HSD11B1: variants seen among roughly 807,000 people sequenced by gnomAD.
The protein encoded by HSD11B1 is hydroxysteroid 11-beta dehydrogenase 1.
Under a neutral mutation model 22.1 loss-of-function variants are expected in HSD11B1, and 15 were observed. That is an observed-to-expected ratio of 0.68 (90% CI 0.45 to 1.04). HSD11B1 has a LOEUF of 1.04. HSD11B1 is among the 50% of genes least tolerant of loss of function. The pLI, the probability that HSD11B1 is intolerant of heterozygous loss-of-function variation, is 0.00. For synonymous variants in HSD11B1, 122 were observed against 125.2 expected, an observed-to-expected ratio of 0.97 and a Z score of 0.17; for missense variants, 281 against 357.6, an observed-to-expected ratio of 0.79 and a Z score of 1.73.
intron 4 of HSD11B1, among the ~76,000 whole-genome samples, chr1:209,711,588 T>TG (rs1033006139): frequency 6.6e-6 from 1 of 151,902 alleles, no homozygotes; most frequent in African/African-American, 2.4e-5. Flanking sequence ...AGCTGTGTGT[T>TG]GGGGGGATGG....
chr1:209,730,516 C>G (rs552828189), intron 4 of HSD11B1, among the ~76,000 whole-genome samples: 1 of 152,282 alleles, frequency 6.6e-6, no homozygotes, highest in African/African-American at 2.4e-5. Context: ...GTTGCATGGC[C>G]TATTACGGCA....
intron 1 of HSD11B1, among the ~76,000 whole-genome samples, chr1:209,695,943 A>G (rs1208636560): frequency 2.0e-5 from 3 of 152,292 alleles, no homozygotes; most frequent in African/African-American, 7.2e-5. Context: ...ACTGTCCATA[A>G]TAGCAAAAAA....
At chr1:209,729,711 C>T (rs563043151) in intron 4 of HSD11B1, among the ~76,000 whole-genome samples, 1 of 152,246 alleles carries the variant, frequency 6.6e-6, no homozygotes, top group South Asian at 2.1e-4. Context: ...CCCTGATGAA[C>T]ACAGATGCAA....
rs537487925 is a variant in HSD11B1, at chr1:209,734,456, T to G, written c.814T>G (p.Cys272Gly). 1.2e-6 allele frequency: 2 copies of G among 1,614,100 alleles called. No homozygotes were observed. Among genetic ancestry groups the G allele is most frequent in the African/African-American group, 2.7e-5 (2 of 75,034 alleles). Reference protein sequence around the residue: ...LWTTLLIRNPCRKILEFLYST... With the variant: ...LWTTLLIRNPGRKILEFLYST... ...GACCACTCTTCTGATCAGAAATCCATGCAGGAAGATCCTGGAATTTCTCTA... is the reference window on the plus strand; with the variant it reads ...GACCACTCTTCTGATCAGAAATCCAGGCAGGAAGATCCTGGAATTTCTCTA... The change falls in exon 6 of 6, where the codon TGC becomes GGC. Residue 272 changes from cysteine to glycine, a missense_variant. Physicochemically the swap from Cys to Gly is radical, Grantham distance 159. Transcript: ENST00000367027.
At chr1:209,705,075 CACA>C in intron 1 of HSD11B1, 45 bp downstream of exon 1, 1 of 1,450,502 alleles carries the variant, frequency 6.9e-7, no homozygotes, top group Non-Finnish European at 9.7e-7. Context: ...GTTTAAAAAA[CACA>C]GGGGTGCTTG....
intron 4 of HSD11B1, among the ~76,000 whole-genome samples, chr1:209,717,212 A>G (rs1341285329): frequency 6.6e-6 from 1 of 152,224 alleles, no homozygotes; most frequent in East Asian, 1.9e-4. Context: ...TAGGAAAAAA[A>G]ACTATCTGAT....
intron 4 of HSD11B1, among the ~76,000 whole-genome samples, chr1:209,727,065 G>A (rs963478923): frequency 6.6e-6 from 1 of 152,172 alleles, no homozygotes; most frequent in Non-Finnish European, 1.5e-5. Flanking sequence ...AAGATCTCAA[G>A]ATGAAATCAT....
At chr1:209,728,659 G>A (rs115887524) in intron 4 of HSD11B1, among the ~76,000 whole-genome samples, 77 of 152,296 alleles carry the variant, frequency 5.1e-4, no homozygotes, top group Non-Finnish European at 9.7e-4. Flanking sequence ...CAGTGTCCCC[G>A]TGATTCTCTT....
chr1:209,698,884 A>G (rs2076809425), intron 1 of HSD11B1, among the ~76,000 whole-genome samples: 1 of 152,160 alleles, frequency 6.6e-6, no homozygotes, highest in South Asian at 2.1e-4. Context: ...AGGCAAATAG[A>G]TTCCAGGTAT....
chr1:209,718,367 C>T (rs976590632), intron 4 of HSD11B1, among the ~76,000 whole-genome samples: 13 of 152,062 alleles, frequency 8.5e-5, no homozygotes, highest in Non-Finnish European at 1.6e-4. Context: ...ACAAATATTA[C>T]GTATCAACTT....
In HSD11B1 at chr1:209,698,167, T is replaced by TTAGATAGA. The variant is rs3059689; in HGVS notation, c.-48-6684_-48-6677dup. The stretch of plus-strand genomic sequence containing the variant: ...AGGATAGGTAGATAAGATAGATAGA[T>TTAGATAGA]TAGATAGATAGATAGATAGATAGAT... On this transcript the variant is annotated intron_variant, in intron 1 of 6. Coordinates refer to the HSD11B1 transcript ENST00000261465. Among the ~76,000 whole-genome samples, 1,186 of 146,688 alleles carry TTAGATAGA rather than the reference T, an allele frequency of 8.1e-3. 6 individuals carry two copies. The highest frequency in any genetic ancestry group is 0.016 in the East Asian group (78 of 4,984).
At chr1:209,692,607 C>CGGGGGGGGGGG (rs796545462) in intron 1 of HSD11B1, among the ~76,000 whole-genome samples, 2 of 48,244 alleles carry the variant, frequency 4.1e-5, no homozygotes, top group East Asian at 4.6e-4. Flanking sequence ...ATTAAAATGG[C>CGGGGGGGGGGG]GGGGGGGGGG....
At chr1:209,725,132 G>A (rs998090792) in intron 4 of HSD11B1, among the ~76,000 whole-genome samples, 6 of 152,052 alleles carry the variant, frequency 3.9e-5, no homozygotes, top group Admixed American at 6.6e-5. Flanking sequence ...TGTCTTACAG[G>A]CTGCCTCCTC....
upstream of HSD11B1, among the ~76,000 whole-genome samples, chr1:209,701,337 C>G (rs1340626172): frequency 6.6e-6 from 1 of 151,386 alleles, no homozygotes; most frequent in Admixed American, 6.6e-5. Context: ...AAGTGGAAAC[C>G]CCTGATAAAC....
chr1:209,715,681 A>T (rs1345804117), intron 4 of HSD11B1, among the ~76,000 whole-genome samples: 1 of 152,256 alleles, frequency 6.6e-6, no homozygotes, highest in African/African-American at 2.4e-5. Context: ...TAAGTCCATG[A>T]AGTCATAAAT....
chr1:209,731,896 G>A (rs1558200931), intron 4 of HSD11B1, among the ~76,000 whole-genome samples: 2 of 152,124 alleles, frequency 1.3e-5, no homozygotes, highest in Non-Finnish European at 2.9e-5. Flanking sequence ...TAGTAGAGAT[G>A]GGGTTTCATC....
upstream of HSD11B1, among the ~76,000 whole-genome samples, chr1:209,702,285 G>T (rs2076830900): frequency 6.6e-6 from 1 of 152,228 alleles, no homozygotes; most frequent in African/African-American, 2.4e-5. Context: ...GCTCCAGGAA[G>T]ACAGCAATTT....
intron 4 of HSD11B1, among the ~76,000 whole-genome samples, chr1:209,722,318 C>G (rs2076971605): frequency 6.6e-6 from 1 of 152,232 alleles, no homozygotes; most frequent in Admixed American, 6.5e-5. Context: ...ACCAAACGCT[C>G]TTTCCTAGTG....
intron 4 of HSD11B1, among the ~76,000 whole-genome samples, chr1:209,710,289 C>G (rs560833018): frequency 4.6e-5 from 7 of 152,288 alleles, no homozygotes; most frequent in African/African-American, 1.4e-4. Flanking sequence ...TGAATCCCAT[C>G]ACTGTGGTGT....
Sources: allele counts gnomAD v4.1 joint callset (sites outside exome capture counted in the v4.1 genomes callset), GRCh38; gene constraint gnomAD v4.1.1; transcripts MANE v1.5; gene names NCBI Gene and HGNC (gene_info 2026-07-23, HGNC 2026-07-21).